SART3: variants seen among roughly 807,000 people sequenced by gnomAD.
SART3 encodes HIV-1 Tat-interacting protein of 110kDa.
SART3 carries 44 observed loss-of-function variants against 122.3 expected under a neutral mutation model. The ratio of observed to expected loss-of-function variants is 0.36; its 90% CI spans 0.28 to 0.46. The LOEUF (loss-of-function observed/expected upper bound fraction) is 0.46. Ranked by LOEUF, SART3 falls within the 20% of genes least tolerant of loss-of-function variation. The probability of loss-of-function intolerance (pLI) is 1.00; values close to 1 mark genes in which losing one functional copy is unlikely to be tolerated. For missense variants in SART3, 1,101 were observed against 1,229.0 expected, an observed-to-expected ratio of 0.90 and a Z score of 1.56; for synonymous variants, 442 against 454.0, an observed-to-expected ratio of 0.97 and a Z score of 0.34.
chr12:108,537,524 G>T lies in SART3; in HGVS notation c.1273C>A (p.Leu425Ile). The T allele has an allele frequency of 6.2e-7, 1 of 1,614,002 alleles. No individual in the cohort carries two copies. The highest frequency in any genetic ancestry group is 8.5e-7 in the Non-Finnish European group (1 of 1,179,898). Residue 425 changes from leucine to isoleucine, a missense_variant, in exon 9 of 19, where the codon CTT (leucine) becomes ATT (isoleucine). By Grantham distance (5) the Leu-to-Ile change is conservative. Around this residue, in one of 2 missense-constraint regions of SART3, gnomAD observed 885 missense variants for 1,080.1 expected, o/e 0.82. Transcript: ENST00000546815. ...TDYVEIWQAY[L>I]DYLRRRVDFK... ...TCAACCCTTCTCCTCAGGTAATCAAGGTATGCCTGCCAAATCTCCACATAA... is the reference window on the plus strand; with the variant it reads ...TCAACCCTTCTCCTCAGGTAATCAATGTATGCCTGCCAAATCTCCACATAA...
chr12:108,561,072 T>G lies in SART3; in HGVS notation c.83A>C (p.Glu28Ala), dbSNP rs904244085. The change falls in exon 1 of 19, where the codon GAG becomes GCG. Residue 28 changes from glutamate (E) to alanine (A), a missense_variant. Coordinates refer to ENST00000546815, the MANE Select transcript of SART3 (RefSeq NM_014706.4). ...AGPKADGEEDEVKAARTRRKV... is the reference protein window; with the variant it reads ...AGPKADGEEDAVKAARTRRKV... ...CCTCCTTGTCCTAGCCGCCTTAACC[T>G]CATCCTCCTCTCCGTCAGCCTTGGG... The G allele has an allele frequency of 6.2e-7, 1 of 1,613,954 alleles. No individual in the cohort carries two copies. Among genetic ancestry groups the G allele is most frequent in the Admixed American group, 1.7e-5 (1 of 60,006 alleles).
chr12:108,530,556 C>G (rs1029501729), intron 14 of SART3, among the ~76,000 whole-genome samples: 1 of 151,902 alleles, frequency 6.6e-6, no homozygotes, highest in African/African-American at 2.4e-5. Flanking sequence ...AAAAGGAAGG[C>G]AAAAAAATCC....
chr12:108,561,144 G>A lies in SART3; in HGVS notation c.11C>T (p.Ala4Val), dbSNP rs144184146. Residue 4 changes from alanine to valine, a missense_variant, in exon 1 of 19, where the codon GCG becomes GTG. Physicochemically the swap from Ala to Val is moderately conservative, Grantham distance 64. This residue lies in a region of SART3 where 216 missense variants were observed against 148.9 expected (regional missense o/e 1.45). Coordinates refer to ENST00000546815, the MANE Select transcript of SART3 (RefSeq NM_014706.4). ...GGGTTCTGAAGCCGAGGTTTCGGCCGCAGTCGCCATCTTGCGCTTCTAATG... is the reference window on the plus strand; with the variant it reads ...GGGTTCTGAAGCCGAGGTTTCGGCCACAGTCGCCATCTTGCGCTTCTAATG... MATAAETSASEPEA... is the reference protein window; with the variant it reads MATVAETSASEPEA... The A allele has an allele frequency of 5.8e-5, 94 of 1,612,820 alleles. No individual in the cohort carries two copies. Among genetic ancestry groups the A allele is most frequent in the Non-Finnish European group, 7.4e-5 (87 of 1,179,024 alleles).
At position 108,526,565 on chromosome 12, in the gene SART3, CA is replaced by C. The variant is rs1335485708; in HGVS notation, c.1916-13del. The C allele has an allele frequency of 5.6e-6, 9 of 1,612,964 alleles. No homozygotes were observed. The East Asian group carries it at 1.8e-4, about 32-fold the overall frequency. Reference sequence around the variant, plus strand: ...TTTGGAAGGCTGCTCTACAGGTTTTCAAAAGAAAAGTAGCCATGGTTAACTG... The same window carrying C: ...TTTGGAAGGCTGCTCTACAGGTTTTCAAAGAAAAGTAGCCATGGTTAACTG... On this transcript the variant is annotated splice_polypyrimidine_tract_variant and intron_variant, in intron 15 of 18. Coordinates refer to ENST00000546815, the MANE Select transcript of SART3 (RefSeq NM_014706.4).
chr12:108,537,459 T>C, intron 9 of SART3, 29 bp downstream of exon 9: 3 of 1,543,314 alleles, frequency 1.9e-6, no homozygotes, highest in Non-Finnish European at 2.7e-6. Flanking sequence ...CATGTTCAGC[T>C]CTAAAGTGAA....
At position 108,524,594 on chromosome 12, in the gene SART3, C is replaced by T. The variant is rs1426504911; in HGVS notation, c.2524-88G>A. 31 of 1,253,534 alleles carry T rather than the reference C, an allele frequency of 2.5e-5. No homozygotes were observed. In the South Asian group the frequency reaches 2.7e-4, roughly 11 times the overall value. The allele number at this position is 1,253,534 out of a possible 1,614,324, so 77.7% of individuals were successfully genotyped here. A position where few individuals can be genotyped will look rare whatever the true frequency, so the allele number is the denominator to read the frequency against. The stretch of plus-strand genomic sequence containing the variant: ...GCAGGGCAGGCACTGGGCTTCCTCC[C>T]GGAGACCAGCAGACCAGGCCACAGC... On this transcript the variant is annotated intron_variant, in intron 17 of 18. Coordinates refer to ENST00000546815, the MANE Select transcript of SART3 (RefSeq NM_014706.4).
rs762102888 is a variant in SART3 at position 108,561,140 on chromosome 12, G to A, written c.15C>T (p.Ala5=). ...CCTCGGGTTCTGAAGCCGAGGTTTC[G>A]GCCGCAGTCGCCATCTTGCGCTTCT... The part of the protein sequence containing the change: MATA[A]ETSASEPEAE... The change falls in exon 1 of 19, where the codon GCC becomes GCT. Residue 5 remains alanine (A), a synonymous_variant. Transcript: ENST00000546815. 3.1e-6 allele frequency: 5 copies of A among 1,613,180 alleles called. No individual in the cohort carries two copies. The highest frequency in any genetic ancestry group is 1.3e-5 in the African/African-American group (1 of 74,906).
At chr12:108,554,492 G>T (rs2030135261) in intron 1 of SART3, among the ~76,000 whole-genome samples, 1 of 151,304 alleles carries the variant, frequency 6.6e-6, no homozygotes, top group Admixed American at 6.6e-5. Flanking sequence ...CAGATTTGAG[G>T]GAAAAAAACA....
intron 12 of SART3, among the ~76,000 whole-genome samples, chr12:108,534,087 T>C (rs1872796166): frequency 1.3e-5 from 2 of 152,174 alleles, no homozygotes; most frequent in Middle Eastern, 3.4e-3. Flanking sequence ...TTTGCAAAAA[T>C]AGAAAACACT....
At chr12:108,550,821 C>G (rs1357010739) in intron 1 of SART3, among the ~76,000 whole-genome samples, 2 of 152,094 alleles carry the variant, frequency 1.3e-5, no homozygotes, top group African/African-American at 2.4e-5. Context: ...GAGATCCAGC[C>G]TGGGTGACAA....
chr12:108,558,892 A>C (rs2030343184), intron 1 of SART3, among the ~76,000 whole-genome samples: 1 of 151,996 alleles, frequency 6.6e-6, no homozygotes. Context: ...AATTAGCCGG[A>C]CTTGGTGGCG....
intron 16 of SART3, 30 bp downstream of exon 16, chr12:108,526,069 G>T: frequency 6.4e-7 from 1 of 1,571,420 alleles, no homozygotes; most frequent in Non-Finnish European, 8.8e-7. Context: ...AACCACAGAT[G>T]AAAGGCATTC....
chr12:108,529,953 G>A (rs995928242), intron 15 of SART3, among the ~76,000 whole-genome samples, 189 bp downstream of exon 15: 1 of 152,116 alleles, frequency 6.6e-6, no homozygotes, highest in South Asian at 2.1e-4. Flanking sequence ...TGCTAACCCC[G>A]GCTCTGATGG....
chr12:108,539,234 A>G, intron 6 of SART3, 145 bp from the exon 7 acceptor site: 1 of 804,820 alleles, frequency 1.2e-6, no homozygotes, highest in Non-Finnish European at 2.1e-6. Context: ...TATGGCCTCT[A>G]CAACTTCTTG....
intron 15 of SART3, among the ~76,000 whole-genome samples, chr12:108,529,217 T>G (rs1205944276): frequency 6.6e-6 from 1 of 152,228 alleles, no homozygotes; most frequent in African/African-American, 2.4e-5. Flanking sequence ...CTGGAGGTAT[T>G]GGTGTGAAAT....
intron 18 of SART3, 176 bp from the exon 19 acceptor site, chr12:108,523,810 C>T (rs1872243674): frequency 4.5e-6 from 3 of 671,202 alleles, no homozygotes; most frequent in Admixed American, 2.6e-5. Context: ...ACTGCTTCAA[C>T]AGACTTGGCC....
intron 8 of SART3, 51 bp from the exon 9 acceptor site, chr12:108,537,646 TAGAA>T (rs780520340): frequency 5.1e-6 from 7 of 1,373,634 alleles, no homozygotes; most frequent in Non-Finnish European, 7.3e-6. Flanking sequence ...TGGAAACTAA[TAGAA>T]AGTCACTACA....
intron 4 of SART3, chr12:108,544,736 T>C (rs1399130983): frequency 6.5e-6 from 4 of 611,400 alleles, no homozygotes; most frequent in Non-Finnish European, 1.2e-5. Context: ...CAGCTAATGT[T>C]TTAGTTCTTG....
chr12:108,555,174 TTAAGAA>T (rs1467446140), intron 1 of SART3, among the ~76,000 whole-genome samples: 2 of 152,146 alleles, frequency 1.3e-5, no homozygotes, highest in African/African-American at 4.8e-5. Flanking sequence ...AACCATACAC[TTAAGAA>T]TAAGATAGCA....
Sources: allele counts gnomAD v4.1 joint callset (sites outside exome capture counted in the v4.1 genomes callset), GRCh38; gene constraint gnomAD v4.1.1; regional missense constraint gnomAD v4.1.1; transcripts MANE v1.5; gene names NCBI Gene and HGNC (gene_info 2026-07-23, HGNC 2026-07-21).